Variants in GRTP1 observed in about 807,000 individuals in gnomAD.
The protein encoded by GRTP1 is growth hormone-regulated TBC protein 1.
GRTP1 carries 56 observed loss-of-function variants against 38.1 expected under a neutral mutation model. The ratio of observed to expected loss-of-function variants is 1.47; its 90% CI spans 1.19 to 1.84. The LOEUF (loss-of-function observed/expected upper bound fraction) is 1.84, where lower values mean the gene tolerates loss of function less well. GRTP1 is among the 40% of genes most tolerant of loss of function. The pLI, the probability that GRTP1 is intolerant of heterozygous loss-of-function variation, is 0.00. For missense variants in GRTP1, 506 were observed against 453.9 expected (o/e 1.11, Z -1.04); for synonymous variants, 217 against 189.5 (o/e 1.14, Z -1.19).
intron 5 of GRTP1, among the ~76,000 whole-genome samples, chr13:113,328,196 G>T (rs2042803777): frequency 6.6e-6 from 1 of 152,266 alleles, no homozygotes; most frequent in South Asian, 2.1e-4. Flanking sequence ...TCCTTCTGGG[G>T]ACATCCACGC....
intron 5 of GRTP1, among the ~76,000 whole-genome samples, chr13:113,335,780 G>C (rs1595482825): frequency 6.6e-6 from 1 of 151,842 alleles, no homozygotes; most frequent in East Asian, 1.9e-4. Context: ...CCATGCTGCT[G>C]AAATGACGGG....
Position 113,355,442 on chromosome 13 carries a change from C to T in GRTP1, c.221G>A (p.Arg74His). 6.2e-7 allele frequency: 1 copy of T among 1,613,840 alleles called. No homozygotes were observed. Among genetic ancestry groups the T allele is most frequent in the East Asian group, 2.2e-5 (1 of 44,866 alleles). The change falls in exon 3 of 8, where the codon CGT becomes CAT. Residue 74 changes from arginine to histidine, a missense_variant. Transcript: ENST00000375431. ...ACTCAGCACCATCCAGACGCGGGCACGGTGCTCCAGCGGGACCCCTTTCCG... is the reference window on the plus strand; with the variant it reads ...ACTCAGCACCATCCAGACGCGGGCATGGTGCTCCAGCGGGACCCCTTTCCG... ...YVRKGVPLEH[R>H]ARVWMVLSGA...
chr13:113,364,139 C>A, upstream of GRTP1: 2 of 968,190 alleles, frequency 2.1e-6, no homozygotes, highest in South Asian at 5.6e-5. Flanking sequence ...CCGGCGGGAC[C>A]GCGGGCGCGT....
intron 5 of GRTP1, among the ~76,000 whole-genome samples, chr13:113,330,950 A>AAC (rs2042860419): frequency 1.2e-5 from 1 of 83,600 alleles, no homozygotes; most frequent in Non-Finnish European, 2.3e-5. Flanking sequence ...TGCATGGAAA[A>AAC]CCAGGTGTGT....
In GRTP1 at chr13:113,364,076, C is replaced by T; in HGVS notation, c.-25G>A. 1 of 1,247,064 alleles carries T rather than the reference C, an allele frequency of 8.0e-7. No individual in the cohort carries two copies. Among genetic ancestry groups the T allele is most frequent in the Non-Finnish European group, 1.0e-6 (1 of 1,001,054 alleles). 77.2% of individuals were successfully genotyped at this position (1,247,064 alleles called of 1,614,324 possible). A position where few individuals can be genotyped will look rare whatever the true frequency, so the allele number is the denominator to read the frequency against. ...TGCGGGGAGGGAGGCGCGCACCGAGCGAGGCCAGCGGGTCCCAAGTTCGCC... is the reference window on the plus strand; with the variant it reads ...TGCGGGGAGGGAGGCGCGCACCGAGTGAGGCCAGCGGGTCCCAAGTTCGCC... On this transcript the variant is annotated 5_prime_UTR_variant, in exon 1 of 8. Transcript: ENST00000375431.
intron 4 of GRTP1, among the ~76,000 whole-genome samples, chr13:113,346,374 G>C (rs1354905291): frequency 1.7e-4 from 1 of 5,928 alleles, no homozygotes; most frequent in African/African-American, 5.3e-4. Context: ...CTGTGGCTGA[G>C]AGCGGACCTG....
chr13:113,346,070 G>GTGCCTGACAGTGGACC (rs2043108286), intron 4 of GRTP1, among the ~76,000 whole-genome samples: 3 of 90,954 alleles, frequency 3.3e-5, no homozygotes, highest in African/African-American at 9.6e-5. Context: ...GAGGACCTCT[G>GTGCCTGACAGTGGACC]CGGCTGAGCA....
intron 4 of GRTP1, among the ~76,000 whole-genome samples, chr13:113,346,076 G>GGACA (rs2043109336): frequency 2.7e-4 from 2 of 7,314 alleles, no homozygotes; most frequent in Admixed American, 3.4e-3. Flanking sequence ...CTCTGCGGCT[G>GGACA]AGCAGACCTG....
intron 5 of GRTP1, among the ~76,000 whole-genome samples, chr13:113,338,392 G>T (rs2139431860): frequency 6.6e-6 from 1 of 152,302 alleles, no homozygotes; most frequent in East Asian, 1.9e-4. Context: ...AGAGGCATTT[G>T]CTGGTAAAAG....
At chr13:113,355,187 T>C (rs2043359671) in intron 3 of GRTP1, 136 bp downstream of exon 3, 1 of 812,036 alleles carries the variant, frequency 1.2e-6, no homozygotes, top group African/African-American at 1.7e-5. Flanking sequence ...GATTCTTTCA[T>C]GGAGGAAGAC....
At chr13:113,357,171 G>A (rs1057186380) in intron 2 of GRTP1, among the ~76,000 whole-genome samples, 4 of 151,724 alleles carry the variant, frequency 2.6e-5, no homozygotes, top group African/African-American at 7.3e-5. Flanking sequence ...TTAGCTGGAC[G>A]CGGTGGCTCA....
chr13:113,347,708 G>A (rs1340507990), intron 4 of GRTP1, among the ~76,000 whole-genome samples: 1 of 102,418 alleles, frequency 9.8e-6, no homozygotes, highest in African/African-American at 4.3e-5. Context: ...CTCTGTGGCA[G>A]AGAGCAGACC....
At chr13:113,358,898 C>T (rs547916691) in intron 2 of GRTP1, among the ~76,000 whole-genome samples, 2 of 152,316 alleles carry the variant, frequency 1.3e-5, no homozygotes, top group South Asian at 4.1e-4. Flanking sequence ...TCACACGACC[C>T]AGCAATCCCA....
intron 2 of GRTP1, 55 bp downstream of exon 2, chr13:113,363,707 G>C: frequency 1.9e-5 from 27 of 1,433,888 alleles, no homozygotes; most frequent in Admixed American, 3.7e-5. Context: ...TGCCCGGCCC[G>C]TCCCAGCCCA....
rs954792192 is a variant in GRTP1 at position 113,348,500 on chromosome 13, A to G, written c.465+2349T>C. 3.3e-5 allele frequency among the ~76,000 whole-genome samples: 5 copies of G among 152,158 alleles called. No homozygotes were observed. The highest frequency in any genetic ancestry group is 7.4e-5 in the Non-Finnish European group (5 of 68,018). On this transcript the variant is annotated intron_variant, in intron 4 of 7. Transcript: ENST00000375431. The surrounding 1 kb of genome is among the most constrained non-coding windows in gnomAD (Gnocchi z 4.8). ...CACATTGAACTGTGTTGCCCGCCCCAAAATTCATCTGTTGAAGTCCTAACC... is the reference window on the plus strand; with the variant it reads ...CACATTGAACTGTGTTGCCCGCCCCGAAATTCATCTGTTGAAGTCCTAACC...
intron 5 of GRTP1, among the ~76,000 whole-genome samples, chr13:113,333,314 C>T (rs1379515581): frequency 1.3e-5 from 2 of 152,126 alleles, no homozygotes; most frequent in African/African-American, 4.8e-5. Context: ...ATGCACATGG[C>T]GAACCACAGA....
Position 113,355,456 on chromosome 13 carries a change from G to C in GRTP1, c.207C>G (p.Val69=). Residue 69 remains valine, a synonymous_variant, in exon 3 of 8, where the codon GTC becomes GTG. Transcript: ENST00000375431. ...RTVKRYVRKG[V]PLEHRARVWM... ...AGACGCGGGCACGGTGCTCCAGCGG[G>C]ACCCCTTTCCGGACATAGCGCTTCA... is the stretch of plus-strand genomic sequence containing the variant. 6.2e-7 allele frequency: 1 copy of C among 1,613,336 alleles called. No individual in the cohort carries two copies. Among genetic ancestry groups the C allele is most frequent in the East Asian group, 2.2e-5 (1 of 44,864 alleles).
At chr13:113,346,076 GA>G (rs2043109369) in intron 4 of GRTP1, among the ~76,000 whole-genome samples, 7 of 7,336 alleles carry the variant, frequency 9.5e-4, no homozygotes, top group Non-Finnish European at 1.5e-3. Flanking sequence ...CTCTGCGGCT[GA>G]GCAGACCTGG....
intron 5 of GRTP1, among the ~76,000 whole-genome samples, chr13:113,329,995 G>GGGTGCGTGCATGGGAGCCCA (rs2042833667): frequency 2.1e-5 from 3 of 140,306 alleles, no homozygotes; most frequent in African/African-American, 8.0e-5. Flanking sequence ...ATGGGAGCCC[G>GGGTGCGTGCATGGGAGCCCA]GGTGCGTGCA....
Sources: allele counts gnomAD v4.1 joint callset (sites outside exome capture counted in the v4.1 genomes callset), GRCh38; gene constraint gnomAD v4.1.1; non-coding constraint Gnocchi (gnomAD v3.1); transcripts MANE v1.5; gene names NCBI Gene and HGNC (gene_info 2026-07-23, HGNC 2026-07-21).